FSTL5: variants seen among roughly 807,000 people sequenced by gnomAD.
FSTL5 encodes the protein follistatin like 5.
FSTL5 carries 62 observed loss-of-function variants against 89.1 expected under a neutral mutation model. That is an observed-to-expected ratio of 0.70 (90% CI 0.57 to 0.86). The LOEUF (loss-of-function observed/expected upper bound fraction) is 0.86, where lower values mean the gene tolerates loss of function less well. FSTL5 is among the 40% of genes least tolerant of loss of function. FSTL5 has a pLI of 0.00. For missense variants in FSTL5, 1,057 were observed against 1,001.6 expected, an observed-to-expected ratio of 1.06 and a Z score of -0.75; for synonymous variants, 383 against 346.2, an observed-to-expected ratio of 1.11 and a Z score of -1.18.
chr4:161,939,985 C>G (rs1734533738), intron 3 of FSTL5, among the ~76,000 whole-genome samples: 1 of 151,828 alleles, frequency 6.6e-6, no homozygotes, highest in African/African-American at 2.4e-5. Context: ...TACATTTTTA[C>G]TTACCTTAGC....
intron 4 of FSTL5, among the ~76,000 whole-genome samples, chr4:161,829,443 T>C (rs1730774558): frequency 6.6e-6 from 1 of 151,676 alleles, no homozygotes; most frequent in South Asian, 2.1e-4. Context: ...AACCAGATTT[T>C]TAAGCTAAAA....
intron 10 of FSTL5, among the ~76,000 whole-genome samples, chr4:161,526,080 T>C (rs766420710): frequency 3.9e-5 from 6 of 152,192 alleles, no homozygotes; most frequent in Admixed American, 2.0e-4. Context: ...GGCAAATTTT[T>C]AGGATTACAA....
chr4:161,971,254 C>T (rs768124984), intron 3 of FSTL5, among the ~76,000 whole-genome samples: 2 of 152,062 alleles, frequency 1.3e-5, no homozygotes, highest in African/African-American at 2.4e-5. Context: ...TCACACTGAA[C>T]GCTATAAAAC....
intron 3 of FSTL5, among the ~76,000 whole-genome samples, chr4:162,003,167 C>A (rs1344453306): frequency 6.6e-6 from 1 of 151,918 alleles, no homozygotes; most frequent in African/African-American, 2.4e-5. Context: ...TTAGCAGAAG[C>A]CATTTATTAT....
At chr4:161,691,291 A>C (rs1031235712) in intron 6 of FSTL5, among the ~76,000 whole-genome samples, 2 of 152,002 alleles carry the variant, frequency 1.3e-5, no homozygotes, top group African/African-American at 2.4e-5. Context: ...ATTTATTGAG[A>C]CCATTATTTC....
intron 3 of FSTL5, among the ~76,000 whole-genome samples, chr4:161,984,999 C>T (rs1370388587): frequency 6.6e-6 from 1 of 151,206 alleles, no homozygotes; most frequent in Non-Finnish European, 1.5e-5. Flanking sequence ...TTCTGTTGCC[C>T]AGGCTGGAGT....
intron 4 of FSTL5, among the ~76,000 whole-genome samples, chr4:161,805,167 G>A (rs1729924470): frequency 6.6e-6 from 1 of 151,956 alleles, no homozygotes; most frequent in Non-Finnish European, 1.5e-5. Context: ...TATACCGAGG[G>A]CATTCCTGAT....
chr4:161,613,522 G>C (rs1367733713), intron 7 of FSTL5, among the ~76,000 whole-genome samples: 1 of 152,036 alleles, frequency 6.6e-6, no homozygotes, highest in Admixed American at 6.6e-5. Context: ...ATGATGGTTA[G>C]AGAAAGGCAG....
chr4:161,525,707 T>C (rs1360562091), intron 10 of FSTL5, among the ~76,000 whole-genome samples: 1 of 152,186 alleles, frequency 6.6e-6, no homozygotes, highest in East Asian at 1.9e-4. Context: ...AAATTAACTC[T>C]AACAGATAAT....
At chr4:162,017,458 A>T (rs1463288973) in intron 3 of FSTL5, among the ~76,000 whole-genome samples, 1 of 152,168 alleles carries the variant, frequency 6.6e-6, no homozygotes, top group East Asian at 1.9e-4. Flanking sequence ...CTATGAGATG[A>T]CCATATAAGG....
At chr4:161,918,272 T>C (rs1430610536) in intron 4 of FSTL5, among the ~76,000 whole-genome samples, 1 of 152,124 alleles carries the variant, frequency 6.6e-6, no homozygotes, top group Non-Finnish European at 1.5e-5. Flanking sequence ...TGAAATAAAG[T>C]AATTTTATGA....
At chr4:162,047,258 G>A (rs1309051283) in intron 2 of FSTL5, 2 of 151,998 alleles carry the variant, frequency 1.3e-5, no homozygotes, top group African/African-American at 4.8e-5. Flanking sequence ...ATAGTGTTGA[G>A]ACTAGTTTTA....
In FSTL5 at chr4:162,023,076, T is replaced by C. The variant is rs150667768; in HGVS notation, c.160+10549A>G. 1.3e-3 allele frequency among the ~76,000 whole-genome samples: 203 copies of C among 152,204 alleles called. 1 individual carries two copies. The highest frequency in any genetic ancestry group is 4.6e-3 in the African/African-American group (190 of 41,560). ...AAACTACACGTGTATCCCCATACAT[T>C]TGTACAATTTTTTTAAAAGAGACCT... On this transcript the variant is annotated intron_variant, in intron 3 of 15. Coordinates refer to ENST00000306100, the MANE Select transcript of FSTL5 (RefSeq NM_020116.5).
intron 2 of FSTL5, among the ~76,000 whole-genome samples, chr4:162,097,973 C>A (rs1022968979): frequency 2.0e-5 from 3 of 151,790 alleles, no homozygotes; most frequent in Non-Finnish European, 2.9e-5. Flanking sequence ...CCAAGGGAAA[C>A]TGAAATAATC....
intron 3 of FSTL5, among the ~76,000 whole-genome samples, chr4:161,989,188 CATA>C (rs1736045110): frequency 6.6e-6 from 1 of 152,106 alleles, no homozygotes; most frequent in South Asian, 2.1e-4. Context: ...CCTTGTGTCT[CATA>C]ATGTTTCTCA....
intron 6 of FSTL5, among the ~76,000 whole-genome samples, chr4:161,741,044 C>T (rs1740008916): frequency 6.6e-6 from 1 of 152,146 alleles, no homozygotes; most frequent in Non-Finnish European, 1.5e-5. Flanking sequence ...ATCTAATCAC[C>T]TTCCAAAAGA....
intron 2 of FSTL5, among the ~76,000 whole-genome samples, chr4:162,100,510 G>A (rs1315737692): frequency 6.6e-6 from 1 of 152,128 alleles, no homozygotes; most frequent in Non-Finnish European, 1.5e-5. Context: ...TATGATGTTT[G>A]GTGAAAACGA....
intron 7 of FSTL5, among the ~76,000 whole-genome samples, chr4:161,595,160 A>G (rs1181963394): frequency 6.6e-6 from 1 of 152,064 alleles, no homozygotes; most frequent in African/African-American, 2.4e-5. Context: ...AGACATATCA[A>G]GCCTACTCTT....
intron 15 of FSTL5, among the ~76,000 whole-genome samples, chr4:161,417,622 G>A (rs1044682840): frequency 2.0e-5 from 3 of 152,166 alleles, no homozygotes; most frequent in African/African-American, 7.2e-5. Context: ...CAGGTTACCT[G>A]CCTTCAAATC....
Sources: allele counts gnomAD v4.1 joint callset (sites outside exome capture counted in the v4.1 genomes callset), GRCh38; gene constraint gnomAD v4.1.1; transcripts MANE v1.5; gene names NCBI Gene and HGNC (gene_info 2026-07-23, HGNC 2026-07-21).